Variants in ARID4A observed in about 807,000 individuals in gnomAD.
ARID4A encodes the protein AT-rich interactive domain-containing protein 4A.
Under a neutral mutation model 148.6 loss-of-function variants are expected in ARID4A, and 39 were observed. That is an observed-to-expected ratio of 0.26 (90% CI 0.20 to 0.34). The LOEUF is 0.34. Among genes scored for constraint, ARID4A ranks in the 10% least tolerant of loss-of-function variants. The probability of loss-of-function intolerance (pLI) is 1.00; values close to 1 mark genes in which losing one functional copy is unlikely to be tolerated. For missense variants in ARID4A, 1,265 were observed against 1,449.1 expected, an observed-to-expected ratio of 0.87 and a Z score of 2.06; for synonymous variants, 475 against 481.2, an observed-to-expected ratio of 0.99 and a Z score of 0.17.
intron 17 of ARID4A, among the ~76,000 whole-genome samples, chr14:58,356,739 G>A (rs1284972005): frequency 7.5e-6 from 1 of 134,194 alleles, no homozygotes; most frequent in Non-Finnish European, 1.5e-5. Context: ...GTCTTGCTCT[G>A]TCGCCAGGCT....
At chr14:58,323,455 G>A (rs1299069979) in intron 7 of ARID4A, 30 bp from the exon 8 acceptor site, 2 of 1,591,868 alleles carry the variant, frequency 1.3e-6, no homozygotes, top group African/African-American at 1.3e-5. Flanking sequence ...GTTTGTGTTA[G>A]GATAATGATC....
intron 5 of ARID4A, among the ~76,000 whole-genome samples, chr14:58,314,600 T>A (rs565408619): frequency 2.0e-5 from 3 of 149,472 alleles, no homozygotes; most frequent in South Asian, 2.1e-4. Flanking sequence ...TAATTTTTAA[T>A]TTTTTTTTTG....
chr14:58,336,812 A>C (rs1407188026), intron 11 of ARID4A, among the ~76,000 whole-genome samples: 1 of 152,098 alleles, frequency 6.6e-6, no homozygotes, highest in Admixed American at 6.5e-5. Context: ...GCATTGCCTG[A>C]GAAAAGAGAG....
chr14:58,331,018 C>T (rs1409146139), intron 11 of ARID4A, among the ~76,000 whole-genome samples: 1 of 152,022 alleles, frequency 6.6e-6, no homozygotes, highest in Non-Finnish European at 1.5e-5. Flanking sequence ...AAAATATTGG[C>T]CTGGAAAAAT....
chr14:58,340,720 G>T (rs1594926490), intron 11 of ARID4A, among the ~76,000 whole-genome samples: 1 of 151,898 alleles, frequency 6.6e-6, no homozygotes, highest in Non-Finnish European at 1.5e-5. Context: ...CCTGACCTCA[G>T]GTAATCCACC....
chr14:58,362,575 C>T (rs569929975), intron 19 of ARID4A, among the ~76,000 whole-genome samples: 1 of 151,952 alleles, frequency 6.6e-6, no homozygotes, highest in South Asian at 2.1e-4. Context: ...GGTAGCAGAG[C>T]AAGACCCCAC....
chr14:58,371,850 GT>G, intron 23 of ARID4A, 35 bp from the exon 24 acceptor site: 6 of 1,510,972 alleles, frequency 4.0e-6, no homozygotes, highest in South Asian at 2.3e-5. Flanking sequence ...TTGTGTAACA[GT>G]TTTTGGATCT....
chr14:58,335,249 T>G (rs1327165962), intron 11 of ARID4A, among the ~76,000 whole-genome samples: 1 of 152,142 alleles, frequency 6.6e-6, no homozygotes, highest in Non-Finnish European at 1.5e-5. Flanking sequence ...GATATCTATA[T>G]GTACATCAAA....
chr14:58,300,151 G>A (rs1007657323), intron 2 of ARID4A, among the ~76,000 whole-genome samples: 1 of 152,178 alleles, frequency 6.6e-6, no homozygotes, highest in Admixed American at 6.5e-5. Flanking sequence ...CTTTGCAGAA[G>A]TAAAGCTTTT....
At chr14:58,360,576 A>C (rs1489259529) in intron 18 of ARID4A, among the ~76,000 whole-genome samples, 1 of 152,236 alleles carries the variant, frequency 6.6e-6, no homozygotes, top group African/African-American at 2.4e-5. Flanking sequence ...GAATAGTTGT[A>C]TAGTCTTCTA....
intron 4 of ARID4A, 46 bp from the exon 5 acceptor site, chr14:58,305,976 T>G: frequency 7.1e-7 from 1 of 1,412,068 alleles, no homozygotes; most frequent in Non-Finnish European, 1.0e-6. Context: ...AGTGATTTGG[T>G]TTATTTGTTT....
At chr14:58,319,022 T>G (rs1034466526) in intron 7 of ARID4A, among the ~76,000 whole-genome samples, 8 of 152,230 alleles carry the variant, frequency 5.3e-5, no homozygotes, top group African/African-American at 1.9e-4. Flanking sequence ...TATTTTTGTT[T>G]TAAGTTACTT....
intron 23 of ARID4A, among the ~76,000 whole-genome samples, chr14:58,371,069 C>A (rs564097811): frequency 6.6e-6 from 1 of 152,036 alleles, no homozygotes; most frequent in African/African-American, 2.4e-5. Context: ...GCAGGAAGAT[C>A]ACTTGAGTCC....
At chr14:58,337,785 T>C (rs1028075749) in intron 11 of ARID4A, among the ~76,000 whole-genome samples, 1 of 152,232 alleles carries the variant, frequency 6.6e-6, no homozygotes, top group African/African-American at 2.4e-5. Flanking sequence ...GGTATCTTCC[T>C]TGTGGTGTTT....
chr14:58,347,519 C>T (rs1224380224), intron 14 of ARID4A, 128 bp from the exon 15 acceptor site: 1 of 656,350 alleles, frequency 1.5e-6, no homozygotes, highest in Non-Finnish European at 2.4e-6. Flanking sequence ...AAAATAGTAA[C>T]ACAGAAAAGA....
At chr14:58,334,186 C>T (rs2033679837) in intron 11 of ARID4A, among the ~76,000 whole-genome samples, 1 of 151,946 alleles carries the variant, frequency 6.6e-6, no homozygotes, top group Non-Finnish European at 1.5e-5. Flanking sequence ...ATTAAGAAAA[C>T]ACTTTTATAT....
intron 23 of ARID4A, among the ~76,000 whole-genome samples, chr14:58,370,839 G>T (rs2035577472): frequency 6.6e-6 from 1 of 152,030 alleles, no homozygotes; most frequent in Admixed American, 6.6e-5. Flanking sequence ...TGGAACCCCT[G>T]TTCTAAAGCA....
At chr14:58,342,849 G>T (rs1021423255) in intron 11 of ARID4A, among the ~76,000 whole-genome samples, 1 of 152,084 alleles carries the variant, frequency 6.6e-6, no homozygotes, top group Admixed American at 6.6e-5. Context: ...GGAGGCAGAG[G>T]GTTGCACTGA....
At chr14:58,303,308 A>T (rs1373884943) in intron 3 of ARID4A, among the ~76,000 whole-genome samples, 5 of 152,172 alleles carry the variant, frequency 3.3e-5, no homozygotes, top group Admixed American at 6.5e-5. Flanking sequence ...AATATTCAGT[A>T]TCCTCCTCTT....
Sources: allele counts gnomAD v4.1 joint callset (sites outside exome capture counted in the v4.1 genomes callset), GRCh38; gene constraint gnomAD v4.1.1; transcripts MANE v1.5; gene names NCBI Gene and HGNC (gene_info 2026-07-23, HGNC 2026-07-21).